The following MGAT4C variants were observed in gnomAD, a reference collection of about 807,000 sequenced individuals.
MGAT4C encodes the protein alpha-1,3-mannosyl-glycoprotein 4-beta-N-acetylglucosaminyltransferase C.
In MGAT4C, 19 loss-of-function variants were observed where a neutral mutation model predicts 40.1. The ratio of observed to expected loss-of-function variants is 0.47; its 90% CI spans 0.33 to 0.70. MGAT4C has a LOEUF of 0.70. Ranked by LOEUF, MGAT4C falls within the 30% of genes least tolerant of loss-of-function variation. The pLI is 0.02. For missense variants in MGAT4C, 491 were observed against 563.2 expected (o/e 0.87, Z 1.30); for synonymous variants, 181 against 187.1 (o/e 0.97, Z 0.27).
At chr12:86,477,823 C>T (rs1367101097) in intron 2 of MGAT4C, among the ~76,000 whole-genome samples, 2 of 152,074 alleles carry the variant, frequency 1.3e-5, no homozygotes, top group African/African-American at 2.4e-5. Context: ...TCAATTCCCA[C>T]CTATGAGTCA....
intron 3 of MGAT4C, among the ~76,000 whole-genome samples, chr12:86,349,231 G>A (rs1051271281): frequency 6.6e-6 from 1 of 152,124 alleles, no homozygotes; most frequent in Non-Finnish European, 1.5e-5. Context: ...CCAACACTAT[G>A]AATTTATCTT....
intron 4 of MGAT4C, among the ~76,000 whole-genome samples, chr12:86,308,712 C>T (rs1464481131): frequency 6.6e-6 from 1 of 150,542 alleles, no homozygotes; most frequent in Non-Finnish European, 1.5e-5. Context: ...CAATCAAATA[C>T]AGAAGTCCCC....
intron 1 of MGAT4C, among the ~76,000 whole-genome samples, chr12:86,217,986 T>G: frequency 6.6e-6 from 1 of 152,240 alleles, no homozygotes; most frequent in East Asian, 1.9e-4. Context: ...TTTTCTAAAA[T>G]TTAGTATTAA....
chr12:86,004,407 G>T (rs572500118), intron 2 of MGAT4C, among the ~76,000 whole-genome samples: 1 of 151,984 alleles, frequency 6.6e-6, no homozygotes, highest in Non-Finnish European at 1.5e-5. Flanking sequence ...CTTGTCATTT[G>T]CATCATTTTT....
chr12:86,526,493 G>A (rs1028247534), intron 2 of MGAT4C, among the ~76,000 whole-genome samples: 1 of 152,070 alleles, frequency 6.6e-6, no homozygotes, highest in Non-Finnish European at 1.5e-5. Flanking sequence ...CCCTGCTGGA[G>A]CTCTCTGCTG....
chr12:86,433,212 T>C (rs902887733), intron 3 of MGAT4C, among the ~76,000 whole-genome samples: 7 of 152,006 alleles, frequency 4.6e-5, no homozygotes, highest in African/African-American at 1.7e-4. Flanking sequence ...TTAACAATTG[T>C]AGCTCCTAAA....
intron 1 of MGAT4C, among the ~76,000 whole-genome samples, chr12:86,245,120 A>G (rs1306580913): frequency 6.6e-6 from 1 of 152,186 alleles, no homozygotes; most frequent in Non-Finnish European, 1.5e-5. Flanking sequence ...AAACTAAAAA[A>G]AATACACCAA....
chr12:86,482,039 T>G (rs1957946232), intron 2 of MGAT4C, among the ~76,000 whole-genome samples: 1 of 150,226 alleles, frequency 6.7e-6, no homozygotes. Context: ...TCCTCTTTTT[T>G]CTTATTTGTA....
chr12:86,805,794 C>T (rs1427586810), intron 1 of MGAT4C, among the ~76,000 whole-genome samples: 1 of 152,056 alleles, frequency 6.6e-6, no homozygotes, highest in Admixed American at 6.6e-5. Flanking sequence ...TAAGAAATCT[C>T]TGAACTGATT....
intron 1 of MGAT4C, among the ~76,000 whole-genome samples, chr12:86,147,455 A>G (rs1883696475): frequency 6.6e-6 from 1 of 152,048 alleles, no homozygotes; most frequent in Non-Finnish European, 1.5e-5. Flanking sequence ...GTTAGCCAGG[A>G]TGGTCTGGAT....
At chr12:86,666,096 A>AAG (rs1398240086) in intron 2 of MGAT4C, among the ~76,000 whole-genome samples, 1 of 152,228 alleles carries the variant, frequency 6.6e-6, no homozygotes, top group Non-Finnish European at 1.5e-5. Flanking sequence ...TTCTTAAAAC[A>AAG]AGCTTGATGC....
intron 1 of MGAT4C, among the ~76,000 whole-genome samples, chr12:86,235,942 C>T (rs916910801): frequency 6.6e-6 from 1 of 152,000 alleles, no homozygotes; most frequent in East Asian, 1.9e-4. Context: ...ACCTAAGAAG[C>T]AAGTCTACAT....
At chr12:86,329,426 A>G (rs1341139689) in intron 4 of MGAT4C, among the ~76,000 whole-genome samples, 2 of 152,152 alleles carry the variant, frequency 1.3e-5, no homozygotes, top group Non-Finnish European at 2.9e-5. Context: ...CTACTTTAAT[A>G]TGTAACTTTT....
chr12:86,296,426 G>T (rs1953679446), intron 4 of MGAT4C, among the ~76,000 whole-genome samples: 1 of 110,782 alleles, frequency 9.0e-6, no homozygotes. Context: ...TTGGGCGGTC[G>T]ATGGGACTGG....
intron 3 of MGAT4C, among the ~76,000 whole-genome samples, chr12:86,417,969 AT>A (rs1956748845): frequency 6.6e-6 from 1 of 152,184 alleles, no homozygotes; most frequent in African/African-American, 2.4e-5. Flanking sequence ...CTTGCCCAAC[AT>A]TATACAACTA....
At chr12:86,156,494 T>C (rs1292890897) in intron 1 of MGAT4C, among the ~76,000 whole-genome samples, 1 of 152,150 alleles carries the variant, frequency 6.6e-6, no homozygotes, top group African/African-American at 2.4e-5. Context: ...GCTAATTTTG[T>C]ATTTTTAGTA....
rs78944874 is a variant in MGAT4C at position 86,337,822 on chromosome 12, C to G, written c.-119-3695G>C. Among the ~76,000 whole-genome samples the G allele has an allele frequency of 1.8e-3, 280 of 152,158 alleles. 1 individual carries two copies. Among genetic ancestry groups the G allele is most frequent in the African/African-American group, 6.5e-3 (271 of 41,500 alleles). On this transcript the variant is annotated intron_variant, in intron 3 of 7. Transcript: ENST00000548651. ...CTGAATGTAATTATTAATAGCAGAG[C>G]CTTCTACTTATAAAATTATCCTTGT...
chr12:86,242,963 A>G (rs1015390556), intron 1 of MGAT4C, among the ~76,000 whole-genome samples: 2 of 152,158 alleles, frequency 1.3e-5, no homozygotes, highest in African/African-American at 4.8e-5. Context: ...GATTAACATT[A>G]AGGTGGCCCC....
chr12:86,672,698 A>G (rs1397441340), intron 2 of MGAT4C, among the ~76,000 whole-genome samples: 1 of 152,122 alleles, frequency 6.6e-6, no homozygotes, highest in Non-Finnish European at 1.5e-5. Context: ...ATAAGTGTAA[A>G]CTAAACATTG....
Sources: gnomAD v4.1 joint callset for allele counts (sites outside exome capture counted in the v4.1 genomes callset) on GRCh38, gnomAD v4.1.1 for gene constraint, MANE v1.5 for transcripts, NCBI Gene and HGNC (gene_info 2026-07-23, HGNC 2026-07-21) for gene names.